Variants in ATRNL1 observed in about 807,000 individuals in gnomAD.
The protein encoded by ATRNL1 is attractin-like protein 1.
ATRNL1 carries 95 observed loss-of-function variants against 182.7 expected under a neutral mutation model. The ratio of observed to expected loss-of-function variants is 0.52; its 90% CI spans 0.44 to 0.62. ATRNL1 has a LOEUF of 0.62. Ranked by LOEUF, ATRNL1 falls within the 20% of genes least tolerant of loss-of-function variation. The pLI is 0.00. For synonymous variants in ATRNL1, 576 were observed against 568.3 expected (o/e 1.01, Z -0.19); for missense variants, 1,471 against 1,679.5 (o/e 0.88, Z 2.17).
At chr10:115,715,001 C>T (rs1411483933) in intron 26 of ATRNL1, among the ~76,000 whole-genome samples, 2 of 152,082 alleles carry the variant, frequency 1.3e-5, no homozygotes, top group Non-Finnish European at 2.9e-5. Flanking sequence ...GCAGACAAAA[C>T]ACAGGAAGAC....
At chr10:115,671,278 A>T (rs758945845) in intron 26 of ATRNL1, among the ~76,000 whole-genome samples, 5 of 152,138 alleles carry the variant, frequency 3.3e-5, no homozygotes, top group Non-Finnish European at 7.4e-5. Flanking sequence ...AAATTAACAG[A>T]TTTCAGTTGT....
intron 10 of ATRNL1, among the ~76,000 whole-genome samples, chr10:115,242,744 C>A (rs981595405): frequency 6.6e-6 from 1 of 151,920 alleles, no homozygotes; most frequent in Non-Finnish European, 1.5e-5. Context: ...AAAGGAAATT[C>A]CTAGTAGTAA....
chr10:115,297,927 A>G (rs1853286957), intron 15 of ATRNL1, among the ~76,000 whole-genome samples: 1 of 152,140 alleles, frequency 6.6e-6, no homozygotes, highest in Non-Finnish European at 1.5e-5. Context: ...AATAATAATG[A>G]TTGAACTAAT....
chr10:115,279,112 C>G (rs1298591737), intron 13 of ATRNL1, among the ~76,000 whole-genome samples: 2 of 150,714 alleles, frequency 1.3e-5, no homozygotes, highest in Non-Finnish European at 3.0e-5. Flanking sequence ...TGAGGCAGGA[C>G]AATGGCATGA....
intron 1 of ATRNL1, among the ~76,000 whole-genome samples, chr10:115,111,354 C>A (rs1844248072): frequency 6.6e-6 from 1 of 152,142 alleles, no homozygotes; most frequent in African/African-American, 2.4e-5. Context: ...ATTTGTATTG[C>A]TACGAAGGAA....
chr10:115,593,656 A>ACT (rs1856049832), intron 26 of ATRNL1, among the ~76,000 whole-genome samples: 1 of 152,202 alleles, frequency 6.6e-6, no homozygotes, highest in Non-Finnish European at 1.5e-5. Context: ...AAATTATAGT[A>ACT]TTTTTCCAAT....
At chr10:115,424,591 A>G (rs1367274304) in intron 20 of ATRNL1, among the ~76,000 whole-genome samples, 1 of 152,172 alleles carries the variant, frequency 6.6e-6, no homozygotes, top group Non-Finnish European at 1.5e-5. Flanking sequence ...AATGTATTTT[A>G]TCCATAAAAA....
chr10:115,535,513 A>AT (rs1451970765), intron 25 of ATRNL1, among the ~76,000 whole-genome samples: 3 of 150,674 alleles, frequency 2.0e-5, no homozygotes, highest in African/African-American at 7.3e-5. Context: ...ATTAGTCTAA[A>AT]TTTTTTTCAA....
chr10:115,773,445 G>T (rs1348917197), intron 27 of ATRNL1, among the ~76,000 whole-genome samples: 1 of 152,038 alleles, frequency 6.6e-6, no homozygotes, highest in Admixed American at 6.5e-5. Context: ...TTACTATATA[G>T]CTTATGCTAA....
At chr10:115,910,452 A>G (rs542346833) in intron 28 of ATRNL1, among the ~76,000 whole-genome samples, 86 of 152,122 alleles carry the variant, frequency 5.7e-4, no homozygotes, top group Non-Finnish European at 8.8e-4. Flanking sequence ...CCTGACCACT[A>G]TACATGCTGC....
At chr10:115,767,852 GT>G (rs1948896081) in intron 27 of ATRNL1, among the ~76,000 whole-genome samples, 2 of 152,216 alleles carry the variant, frequency 1.3e-5, no homozygotes, top group Non-Finnish European at 2.9e-5. Flanking sequence ...CCTCAGTAAA[GT>G]TTTGTTTGTT....
At chr10:115,187,282 A>C (rs1399092527) in intron 8 of ATRNL1, among the ~76,000 whole-genome samples, 2 of 152,098 alleles carry the variant, frequency 1.3e-5, no homozygotes, top group Non-Finnish European at 2.9e-5. Context: ...GCCTAACCTG[A>C]AGCTAATCAT....
chr10:115,929,546 G>A (rs957836635), intron 28 of ATRNL1, among the ~76,000 whole-genome samples: 4 of 152,110 alleles, frequency 2.6e-5, no homozygotes, highest in African/African-American at 9.7e-5. Flanking sequence ...CCCAAGGCTG[G>A]AGTAGGTCAG....
At chr10:115,718,776 G>A (rs988511967) in intron 26 of ATRNL1, among the ~76,000 whole-genome samples, 2 of 152,266 alleles carry the variant, frequency 1.3e-5, no homozygotes, top group South Asian at 4.1e-4. Flanking sequence ...GTCCACTAAC[G>A]AATAGCTTTG....
At chr10:115,350,333 T>TCA (rs1856174642) in intron 19 of ATRNL1, among the ~76,000 whole-genome samples, 3 of 12,226 alleles carry the variant, frequency 2.5e-4, no homozygotes, top group Admixed American at 9.0e-4. Context: ...AGACTCTGTC[T>TCA]CAAAAAAAAA....
chr10:115,388,710 G>A (rs1174554340), intron 19 of ATRNL1, among the ~76,000 whole-genome samples: 1 of 151,772 alleles, frequency 6.6e-6, no homozygotes, highest in Admixed American at 6.6e-5. Flanking sequence ...TCTCTGTGAT[G>A]TGTTTCTCTG....
At chr10:115,210,361 C>T (rs981319832) in intron 8 of ATRNL1, among the ~76,000 whole-genome samples, 1 of 151,512 alleles carries the variant, frequency 6.6e-6, no homozygotes, top group Admixed American at 6.6e-5. Flanking sequence ...TGTGTGTGTG[C>T]CTATTTCATT....
At chr10:115,896,348 TGC>T (rs1423117689) in intron 28 of ATRNL1, among the ~76,000 whole-genome samples, 2 of 152,158 alleles carry the variant, frequency 1.3e-5, no homozygotes, top group Admixed American at 6.5e-5. Flanking sequence ...GTAATTCCTG[TGC>T]TAATTAAACT....
At chr10:115,551,270 G>A (rs955945808) in intron 26 of ATRNL1, among the ~76,000 whole-genome samples, 2 of 151,606 alleles carry the variant, frequency 1.3e-5, no homozygotes, top group South Asian at 2.1e-4. Context: ...TTATCTCAGT[G>A]TAGTAATGCT....
Sources: gnomAD v4.1 joint callset for allele counts (sites outside exome capture counted in the v4.1 genomes callset) on GRCh38, gnomAD v4.1.1 for gene constraint, MANE v1.5 for transcripts, NCBI Gene and HGNC (gene_info 2026-07-23, HGNC 2026-07-21) for gene names.